Variants in RBFOX3 observed in about 807,000 individuals in gnomAD.
RBFOX3 encodes the protein RNA binding fox-1 homolog 3.
RBFOX3 carries 17 observed loss-of-function variants against 48.7 expected under a neutral mutation model. That is an observed-to-expected ratio of 0.35 (90% CI 0.24 to 0.52). The LOEUF (loss-of-function observed/expected upper bound fraction) is 0.52. Ranked by LOEUF, RBFOX3 falls within the 20% of genes least tolerant of loss-of-function variation. The pLI is 0.94. For missense variants in RBFOX3, 382 were observed against 497.5 expected, an observed-to-expected ratio of 0.77 and a Z score of 2.21; for synonymous variants, 212 against 209.5, an observed-to-expected ratio of 1.01 and a Z score of -0.10.
intron 2 of RBFOX3, among the ~76,000 whole-genome samples, chr17:79,474,045 A>G (rs901207754): frequency 2.0e-5 from 3 of 152,106 alleles, no homozygotes; most frequent in Non-Finnish European, 2.9e-5. Flanking sequence ...AATCTATACA[A>G]ATCCTCACTC....
At chr17:79,387,652 T>C (rs575009889) in intron 2 of RBFOX3, among the ~76,000 whole-genome samples, 1 of 152,348 alleles carries the variant, frequency 6.6e-6, no homozygotes, top group African/African-American at 2.4e-5. Flanking sequence ...CCACTGCCTA[T>C]GTGCCATGTT....
intron 2 of RBFOX3, among the ~76,000 whole-genome samples, chr17:79,447,238 T>C (rs1208566419): frequency 1.3e-5 from 2 of 152,258 alleles, no homozygotes; most frequent in Non-Finnish European, 2.9e-5. Flanking sequence ...CTTCTGCCAG[T>C]GGATGCAGCC....
chr17:79,236,617 T>C (rs2061668975), intron 3 of RBFOX3, among the ~76,000 whole-genome samples: 1 of 152,234 alleles, frequency 6.6e-6, no homozygotes, highest in South Asian at 2.1e-4. Context: ...CACATAATTA[T>C]AGAGGCAATC....
chr17:79,310,590 C>A (rs2076710889), intron 2 of RBFOX3, among the ~76,000 whole-genome samples: 1 of 152,088 alleles, frequency 6.6e-6, no homozygotes, highest in Non-Finnish European at 1.5e-5. Flanking sequence ...TGCTGAGGGT[C>A]CTGTCCTGTC....
intron 2 of RBFOX3, among the ~76,000 whole-genome samples, chr17:79,308,304 T>G (rs1442389254): frequency 6.6e-6 from 1 of 152,206 alleles, no homozygotes; most frequent in African/African-American, 2.4e-5. Flanking sequence ...CGGCGTGGGT[T>G]GAGCAGCCCT....
At chr17:79,330,474 C>T (rs1447020957) in intron 2 of RBFOX3, among the ~76,000 whole-genome samples, 3 of 151,918 alleles carry the variant, frequency 2.0e-5, no homozygotes, top group Non-Finnish European at 4.4e-5. Context: ...TCTTTTCACG[C>T]TGCAGAATCT....
intron 1 of RBFOX3, among the ~76,000 whole-genome samples, chr17:79,602,826 C>T (rs945519001): frequency 5.1e-4 from 78 of 152,244 alleles, no homozygotes; most frequent in African/African-American, 1.8e-3. Context: ...CAGAGGAGCC[C>T]GGGAAGGGCT....
At chr17:79,389,547 G>A (rs767017646) in intron 2 of RBFOX3, among the ~76,000 whole-genome samples, 1 of 152,200 alleles carries the variant, frequency 6.6e-6, no homozygotes, top group Non-Finnish European at 1.5e-5. Context: ...AGAGCCTATT[G>A]TTAAACACTG....
chr17:79,459,566 C>T (rs540433138), intron 2 of RBFOX3, among the ~76,000 whole-genome samples: 2 of 152,204 alleles, frequency 1.3e-5, no homozygotes, highest in East Asian at 1.9e-4. Context: ...CAGGCAATCA[C>T]GGGGCAGTGC....
At chr17:79,227,017 A>T (rs2060387058) in intron 4 of RBFOX3, among the ~76,000 whole-genome samples, 1 of 152,212 alleles carries the variant, frequency 6.6e-6, no homozygotes, top group South Asian at 2.1e-4. Context: ...CAGAAGCAGC[A>T]GAAGGCTGCG....
At chr17:79,660,473 A>C in the RBFOX3 span, among the ~76,000 whole-genome samples, 2 of 152,240 alleles carry the variant, frequency 1.3e-5, no homozygotes, top group Non-Finnish European at 2.9e-5. Flanking sequence ...CCCCATTAAA[A>C]AGTAGGCAAG....
chr17:79,174,774 C>CT (rs1180980772), intron 4 of RBFOX3, among the ~76,000 whole-genome samples: 1 of 152,242 alleles, frequency 6.6e-6, no homozygotes, highest in East Asian at 1.9e-4. Flanking sequence ...ACTTGCCCCA[C>CT]TTAGCACAGG....
intron 2 of RBFOX3, among the ~76,000 whole-genome samples, chr17:79,389,605 G>A (rs1196957574): frequency 6.6e-6 from 1 of 152,174 alleles, no homozygotes; most frequent in Non-Finnish European, 1.5e-5. Context: ...TCAGGTAAGG[G>A]CAGCCTTACC....
intron 3 of RBFOX3, among the ~76,000 whole-genome samples, chr17:79,281,008 C>T (rs1201679711): frequency 3.9e-5 from 6 of 152,160 alleles, no homozygotes; most frequent in African/African-American, 1.4e-4. Flanking sequence ...GAAAGATGAT[C>T]CCCTATCACC....
intron 2 of RBFOX3, among the ~76,000 whole-genome samples, chr17:79,336,503 C>T (rs1446382210): frequency 1.3e-5 from 2 of 152,250 alleles, no homozygotes; most frequent in African/African-American, 2.4e-5. Context: ...TGTCCAGCAG[C>T]GCATGGAGAC....
At chr17:79,517,478 A>C (rs2149946926) in intron 1 of RBFOX3, among the ~76,000 whole-genome samples, 1 of 151,386 alleles carries the variant, frequency 6.6e-6, no homozygotes, top group South Asian at 2.1e-4. Context: ...AAAACAAAAG[A>C]AAGGAAGGAG....
the RBFOX3 span, among the ~76,000 whole-genome samples, chr17:79,628,345 C>G: frequency 1.3e-5 from 2 of 152,148 alleles, no homozygotes; most frequent in African/African-American, 4.8e-5. Flanking sequence ...GTTTCCCCCT[C>G]GAAGACTCCC....
At chr17:79,371,222 T>A (rs11655167) in intron 2 of RBFOX3, among the ~76,000 whole-genome samples, 103,166 of 152,212 alleles carry the variant, frequency 0.68, 35,894 homozygotes, top group Admixed American at 0.78. Flanking sequence ...TGGGGCAGAT[T>A]AACCCCACTT....
At chr17:79,648,168 G>C in the RBFOX3 span, among the ~76,000 whole-genome samples, 1 of 152,152 alleles carries the variant, frequency 6.6e-6, no homozygotes, top group Non-Finnish European at 1.5e-5. Context: ...GGCATGGTCA[G>C]ACAGTGTGAG....
Sources: allele counts gnomAD v4.1 joint callset (sites outside exome capture counted in the v4.1 genomes callset), GRCh38; gene constraint gnomAD v4.1.1; transcripts MANE v1.5; gene names NCBI Gene and HGNC (gene_info 2026-07-23, HGNC 2026-07-21).